SH3D19: variants seen among roughly 807,000 people sequenced by gnomAD.
The protein encoded by SH3D19 is SH3 domain containing 19.
In SH3D19, 58 loss-of-function variants were observed where a neutral mutation model predicts 112.1. The observed-to-expected ratio is 0.52, with a 90% CI of 0.42 to 0.64. SH3D19 has a LOEUF of 0.64. SH3D19 is among the 30% of genes least tolerant of loss of function. The probability of loss-of-function intolerance (pLI) is 0.00; values close to 1 mark genes in which losing one functional copy is unlikely to be tolerated. For missense variants in SH3D19, 1,090 were observed against 1,263.4 expected, an observed-to-expected ratio of 0.86 and a Z score of 2.08; for synonymous variants, 391 against 448.5, an observed-to-expected ratio of 0.87 and a Z score of 1.62.
chr4:151,151,745 A>G (rs1050406495), intron 9 of SH3D19, among the ~76,000 whole-genome samples: 5 of 152,104 alleles, frequency 3.3e-5, no homozygotes, highest in African/African-American at 1.2e-4. Context: ...TGCTGCCTAT[A>G]TTTTTCCTGA....
Position 151,175,321 on chromosome 4 carries a change from A to G in SH3D19, c.883T>C (p.Ser295Pro). 1 of 1,613,746 alleles carries G rather than the reference A, an allele frequency of 6.2e-7. No individual in the cohort carries two copies. The highest frequency in any genetic ancestry group is 8.5e-7 in the Non-Finnish European group (1 of 1,179,906). Residue 295 changes from serine to proline, a missense_variant, in exon 7 of 20, where the codon TCC (serine) becomes CCC (proline). Physicochemically the swap from Ser to Pro is moderately conservative, Grantham distance 74. Coordinates refer to ENST00000604030, the MANE Select transcript of SH3D19 (RefSeq NM_001378122.1). Reference protein sequence around the residue: ...NTEQSQNSIVSRIKVFEGQTN... With the variant: ...NTEQSQNSIVPRIKVFEGQTN... ...TGACCCTCAAACACTTTAATTCTGG[A>G]AACAATACTATTTTGGCTTTGTTCT...
At chr4:151,150,665 G>A (rs1253520493) in intron 9 of SH3D19, among the ~76,000 whole-genome samples, 1 of 152,202 alleles carries the variant, frequency 6.6e-6, no homozygotes, top group South Asian at 2.1e-4. Flanking sequence ...TAGAAAAGAG[G>A]AAAAGAGTGA....
At chr4:151,174,568 C>A (rs1192342764) in intron 7 of SH3D19, 102 bp downstream of exon 7, 2 of 1,089,942 alleles carry the variant, frequency 1.8e-6, no homozygotes, top group Middle Eastern at 2.9e-4. Flanking sequence ...CTTGTATACA[C>A]ACACCTCAAT....
rs542231764 is a variant in SH3D19, at chr4:151,293,552, A to G, written c.112+31689T>C. On this transcript the variant is annotated intron_variant, in intron 1 of 19. Coordinates refer to ENST00000604030, the MANE Select transcript of SH3D19 (RefSeq NM_001378122.1). Reference sequence around the variant, plus strand: ...TATTAACCCCACCTGGGTTAGTAGCATCTGGATTGCCATTACAGCCTCCTA... The same window carrying G: ...TATTAACCCCACCTGGGTTAGTAGCGTCTGGATTGCCATTACAGCCTCCTA... Among the ~76,000 whole-genome samples the G allele has an allele frequency of 2.6e-5, 4 of 152,166 alleles. No homozygotes were observed. In the East Asian group the frequency reaches 7.7e-4, roughly 29 times the overall value.
In SH3D19 at chr4:151,139,838, G is replaced by A. The variant is rs769932460; in HGVS notation, c.2233C>T (p.His745Tyr). Residue 745 changes from histidine (H) to tyrosine (Y), a missense_variant, in exon 13 of 20, where the codon CAC becomes TAC. Physicochemically the swap from His to Tyr is moderately conservative, Grantham distance 83. Coordinates refer to ENST00000604030, the MANE Select transcript of SH3D19 (RefSeq NM_001378122.1). ...CCACTGTCAACAGGCTTCTGAGCGT[G>A]GCTTGGATCCTTAGGGGGAGAAAAG... ...HLRSRPNDPS[H>Y]AQKPVDSGAP... is the part of the protein sequence containing the mutation. 2 of 1,614,010 alleles carry A rather than the reference G, an allele frequency of 1.2e-6. No homozygotes were observed. The highest frequency in any genetic ancestry group is 1.3e-5 in the African/African-American group (1 of 74,918).
At chr4:151,169,022 T>C (rs1758584729) in intron 7 of SH3D19, among the ~76,000 whole-genome samples, 1 of 152,128 alleles carries the variant, frequency 6.6e-6, no homozygotes, top group Admixed American at 6.5e-5. Flanking sequence ...ATCCAAAACG[T>C]GCTTGCTGTG....
chr4:151,302,519 A>G (rs1279697140), intron 1 of SH3D19, among the ~76,000 whole-genome samples: 1 of 152,024 alleles, frequency 6.6e-6, no homozygotes, highest in African/African-American at 2.4e-5. Flanking sequence ...ACTTGGTAGG[A>G]GTTAGCAAAC....
intron 2 of SH3D19, among the ~76,000 whole-genome samples, chr4:151,197,909 C>CT (rs944374785): frequency 7.9e-5 from 12 of 152,024 alleles, no homozygotes; most frequent in Non-Finnish European, 1.5e-4. Context: ...GAGGCAGATA[C>CT]TTTTTTTAAA....
At chr4:151,227,814 G>T in intron 1 of SH3D19, 1 of 985,454 alleles carries the variant, frequency 1.0e-6, no homozygotes, top group South Asian at 4.7e-5. Flanking sequence ...CTGTGGCTGT[G>T]ATCCTAGTTA....
chr4:151,163,590 T>TC (rs1425333651), intron 8 of SH3D19, among the ~76,000 whole-genome samples: 1 of 151,438 alleles, frequency 6.6e-6, no homozygotes, highest in Non-Finnish European at 1.5e-5. Context: ...TTCTTTCTTT[T>TC]TTTTTTTTGA....
chr4:151,175,594 T>A lies in SH3D19; in HGVS notation c.610A>T (p.Ile204Phe). 7.5e-7 allele frequency: 1 copy of A among 1,330,180 alleles called. No homozygotes were observed. Among genetic ancestry groups the A allele is most frequent in the Non-Finnish European group, 9.5e-7 (1 of 1,047,636 alleles). 82.4% of individuals were successfully genotyped at this position (1,330,180 alleles called of 1,614,324 possible). Residue 204 changes from isoleucine to phenylalanine, a missense_variant, in exon 7 of 20, where the codon ATC becomes TTC. Coordinates refer to ENST00000604030, the MANE Select transcript of SH3D19 (RefSeq NM_001378122.1). ...GNLPTNVAPL[I>F]VFDISEEPNC... ...GGTTCTTCAGAAATATCAAAGACGA[T>A]TAAAGGTGCCACATTTGTTGGAAGA...
At chr4:151,151,588 A>G (rs1050538924) in intron 9 of SH3D19, among the ~76,000 whole-genome samples, 3 of 152,232 alleles carry the variant, frequency 2.0e-5, no homozygotes, top group African/African-American at 4.8e-5. Flanking sequence ...ACATGTTTCA[A>G]TATTATAAAA....
chr4:151,325,159 T>C (rs1730926494), intron 1 of SH3D19, 82 bp downstream of exon 1: 1 of 737,988 alleles, frequency 1.4e-6, no homozygotes, highest in South Asian at 7.1e-5. Context: ...GTGAAGGAGC[T>C]GCCGCTGTGT....
At chr4:151,300,195 C>G (rs1293145716) in intron 1 of SH3D19, among the ~76,000 whole-genome samples, 1 of 150,984 alleles carries the variant, frequency 6.6e-6, no homozygotes, top group East Asian at 1.9e-4. Flanking sequence ...GAGTGAAACT[C>G]TATCTCAAAA....
intron 1 of SH3D19, among the ~76,000 whole-genome samples, chr4:151,310,211 A>G (rs891878345): frequency 2.0e-4 from 10 of 50,044 alleles, no homozygotes; most frequent in African/African-American, 1.0e-3. Flanking sequence ...CTGTCTTTAC[A>G]AAAAAAAAAA....
chr4:151,231,958 C>T (rs1008686452), intron 1 of SH3D19, among the ~76,000 whole-genome samples: 14 of 151,950 alleles, frequency 9.2e-5, no homozygotes, highest in Non-Finnish European at 1.8e-4. Flanking sequence ...CTGAGGTGGG[C>T]GGATCACTTG....
At chr4:151,277,659 A>C (rs574540980) in intron 1 of SH3D19, among the ~76,000 whole-genome samples, 2 of 152,298 alleles carry the variant, frequency 1.3e-5, no homozygotes, top group African/African-American at 4.8e-5. Context: ...GAGCATCTCA[A>C]GCAGAGGGAA....
Position 151,149,534 on chromosome 4 carries a change from C to T in SH3D19, c.1783G>A (p.Gly595Ser), listed in dbSNP as rs376471146. Residue 595 changes from glycine (G) to serine (S), a missense_variant, in exon 10 of 20, where the codon GGT becomes AGT. By Grantham distance (56) the Gly-to-Ser change is moderately conservative. Coordinates refer to ENST00000604030, the MANE Select transcript of SH3D19 (RefSeq NM_001378122.1). The part of the protein sequence containing the change: ...LESNHPGQTG[G>S]FVRVPPRLPP... Reference sequence around the variant, plus strand: ...AACCTTGGGGGTACTCGCACAAAACCTCCTGTTTGACCTGGGTGGTTGGAT... The same window carrying T: ...AACCTTGGGGGTACTCGCACAAAACTTCCTGTTTGACCTGGGTGGTTGGAT... The T allele has an allele frequency of 1.2e-5, 19 of 1,611,710 alleles. No homozygotes were observed. Among genetic ancestry groups the T allele is most frequent in the Non-Finnish European group, 1.6e-5 (19 of 1,178,840 alleles).
At chr4:151,324,834 T>C (rs963924643) in intron 1 of SH3D19, among the ~76,000 whole-genome samples, 21 of 151,858 alleles carry the variant, frequency 1.4e-4, no homozygotes, top group Admixed American at 3.9e-4. Flanking sequence ...AGGACTTGCC[T>C]CAGTTATGAG....
Sources: allele counts gnomAD v4.1 joint callset (sites outside exome capture counted in the v4.1 genomes callset), GRCh38; gene constraint gnomAD v4.1.1; transcripts MANE v1.5; gene names NCBI Gene and HGNC (gene_info 2026-07-23, HGNC 2026-07-21).